ZC3H18: variants seen among roughly 807,000 people sequenced by gnomAD.
The protein encoded by ZC3H18 is zinc finger CCCH-type containing 18, also known as zinc finger CCCH domain-containing protein 18.
A neutral mutation model predicts 106.1 loss-of-function variants in ZC3H18; 8 were observed. The observed-to-expected ratio is 0.08, with a 90% CI of 0.04 to 0.14. ZC3H18 has a LOEUF of 0.14. ZC3H18 is among the 10% of genes least tolerant of loss of function. The pLI, the probability that ZC3H18 is intolerant of heterozygous loss-of-function variation, is 1.00. For missense variants in ZC3H18, 1,318 were observed against 1,278.4 expected (o/e 1.03, Z -0.47); for synonymous variants, 635 against 522.1 (o/e 1.22, Z -2.95).
chr16:88,584,422 C>CAAA, intron 2 of ZC3H18, among the ~76,000 whole-genome samples: 1 of 72,748 alleles, frequency 1.4e-5, no homozygotes, highest in African/African-American at 5.3e-5. Context: ...ACTCTGTCTC[C>CAAA]AAAAAAAAAA....
rs920283548 is a variant in ZC3H18, at chr16:88,585,473, C to G, written c.604-1127C>G. On this transcript the variant is annotated intron_variant, in intron 2 of 17. Transcript: ENST00000301011. ...TGGTGGGGCACAGGGTTCAGCCAGG[C>G]AGGTGGTGGTGTCGTCAACACAAGG... Among the ~76,000 whole-genome samples the G allele has an allele frequency of 2.6e-5, 4 of 152,202 alleles. No individual in the cohort carries two copies. In the East Asian group the frequency reaches 7.7e-4, roughly 29 times the overall value.
intron 3 of ZC3H18, among the ~76,000 whole-genome samples, chr16:88,594,865 C>T (rs2142647553): frequency 6.6e-6 from 1 of 152,218 alleles, no homozygotes; most frequent in African/African-American, 2.4e-5. Flanking sequence ...GAGAATAAAA[C>T]AGTTGGCTGG....
At chr16:88,574,229 C>A (rs886886670) in intron 1 of ZC3H18, among the ~76,000 whole-genome samples, 1 of 151,796 alleles carries the variant, frequency 6.6e-6, no homozygotes, top group Non-Finnish European at 1.5e-5. Flanking sequence ...TCTTTTGAGA[C>A]GGAGTCTCGC....
chr16:88,624,231 G>C (rs1042233006), intron 11 of ZC3H18, 169 bp downstream of exon 11: 2 of 892,632 alleles, frequency 2.2e-6, no homozygotes, highest in Admixed American at 2.8e-5. Context: ...CACAGCTCCT[G>C]TTCTCACGGG....
At chr16:88,608,269 C>T (rs1045750029) in intron 6 of ZC3H18, among the ~76,000 whole-genome samples, 2 of 152,222 alleles carry the variant, frequency 1.3e-5, no homozygotes, top group Non-Finnish European at 2.9e-5. Context: ...TCCTCCTATT[C>T]CCCAGTGAGT....
rs1567603243 is a variant in ZC3H18 at position 88,631,652 on chromosome 16, GCCCGGGT to G, written c.*356_*362del. 1 of 473,538 alleles carries G rather than the reference GCCCGGGT, an allele frequency of 2.1e-6. No individual in the cohort carries two copies. Among genetic ancestry groups the G allele is most frequent in the Non-Finnish European group, 4.2e-6 (1 of 238,908 alleles). 29.3% of individuals were successfully genotyped at this position (473,538 alleles called of 1,614,324 possible). On this transcript the variant is annotated 3_prime_UTR_variant, in exon 18 of 18. Transcript: ENST00000301011. ...GTGGAGCCCCAGCTCTGGGTCCCTA[GCCCGGGT>G]CCAGGCAGCCAGGCTCCCTCCTGAG...
At chr16:88,626,922 G>C (rs949929635) in intron 13 of ZC3H18, 9 of 152,244 alleles carry the variant, frequency 5.9e-5, no homozygotes, top group African/African-American at 2.2e-4. Context: ...TGAGACTGCG[G>C]AATTGCTCCT....
chr16:88,603,110 G>A (rs1433249221), intron 6 of ZC3H18, among the ~76,000 whole-genome samples: 3 of 151,720 alleles, frequency 2.0e-5, no homozygotes, highest in Admixed American at 6.6e-5. Context: ...GACTACAGGC[G>A]CCCGCCACCA....
At position 88,627,568 on chromosome 16, in the gene ZC3H18, T is replaced by C; in HGVS notation, c.2109-54T>C. The C allele has an allele frequency of 3.9e-6, 6 of 1,554,068 alleles. No homozygotes were observed. Among genetic ancestry groups the C allele is most frequent in the Non-Finnish European group, 5.2e-6 (6 of 1,145,294 alleles). On this transcript the variant is annotated intron_variant, in intron 13 of 17. Coordinates refer to ENST00000301011, the MANE Select transcript of ZC3H18 (RefSeq NM_144604.4). The surrounding 1 kb of genome is among the most constrained non-coding windows in gnomAD (Gnocchi z 4.5). ...AAGTGGACCATGGAGCACCCCCTGC[T>C]GGCCCCTCCCTCCAGTCTGGCTGGG...
chr16:88,616,553 T>TC (rs1453379466), intron 8 of ZC3H18, among the ~76,000 whole-genome samples: 1 of 152,190 alleles, frequency 6.6e-6, no homozygotes, highest in Non-Finnish European at 1.5e-5. Flanking sequence ...GACAAGGGTT[T>TC]CCCCAGCGCA....
At chr16:88,614,796 A>C (rs564486323) in intron 8 of ZC3H18, among the ~76,000 whole-genome samples, 5 of 152,312 alleles carry the variant, frequency 3.3e-5, no homozygotes, top group African/African-American at 9.6e-5. Flanking sequence ...CCCTTCCCCT[A>C]CAGCACACAC....
Position 88,627,579 on chromosome 16 carries a change from T to G in ZC3H18, c.2109-43T>G. 6.4e-7 allele frequency: 1 copy of G among 1,564,428 alleles called. No homozygotes were observed. Among genetic ancestry groups the G allele is most frequent in the Non-Finnish European group, 8.7e-7 (1 of 1,149,542 alleles). ...GGAGCACCCCCTGCTGGCCCCTCCC[T>G]CCAGTCTGGCTGGGGTGTGGTGAGA... On this transcript the variant is annotated intron_variant, in intron 13 of 17. Coordinates refer to ENST00000301011, the MANE Select transcript of ZC3H18 (RefSeq NM_144604.4). This position sits in a 1 kb window ranked among gnomAD's most constrained non-coding sequence, Gnocchi z 4.5.
At chr16:88,631,041 AC>A in intron 17 of ZC3H18, 59 bp from the exon 18 acceptor site, 2 of 1,601,814 alleles carry the variant, frequency 1.2e-6, no homozygotes. Flanking sequence ...CGGGGAGGTC[AC>A]CCCTTCCACC....
chr16:88,582,193 T>G (rs896862874), intron 2 of ZC3H18, among the ~76,000 whole-genome samples: 1 of 151,222 alleles, frequency 6.6e-6, no homozygotes, highest in Non-Finnish European at 1.5e-5. Context: ...TTTCTCCTGT[T>G]TAAATCCACC....
intron 6 of ZC3H18, among the ~76,000 whole-genome samples, chr16:88,601,875 C>A (rs1454094833): frequency 2.0e-5 from 3 of 151,974 alleles, no homozygotes; most frequent in Non-Finnish European, 4.4e-5. Context: ...GGCGAGGTGC[C>A]CTGGCTGTTT....
intron 6 of ZC3H18, among the ~76,000 whole-genome samples, chr16:88,603,919 C>T (rs1904880258): frequency 6.6e-6 from 1 of 151,824 alleles, no homozygotes; most frequent in Non-Finnish European, 1.5e-5. Context: ...AGGCGTGAGC[C>T]ACCGTGCCCA....
At chr16:88,606,781 G>T (rs926852081) in intron 6 of ZC3H18, among the ~76,000 whole-genome samples, 1 of 152,196 alleles carries the variant, frequency 6.6e-6, no homozygotes, top group Non-Finnish European at 1.5e-5. Flanking sequence ...ATTGAACGGT[G>T]TCCGACTGAT....
At chr16:88,592,166 C>T (rs969854475) in intron 3 of ZC3H18, among the ~76,000 whole-genome samples, 4 of 152,222 alleles carry the variant, frequency 2.6e-5, no homozygotes, top group East Asian at 1.9e-4. Flanking sequence ...AGTTTCTCCA[C>T]GTCCTCACCA....
At chr16:88,618,423 T>C (rs1375000799) in intron 8 of ZC3H18, among the ~76,000 whole-genome samples, 1 of 152,222 alleles carries the variant, frequency 6.6e-6, no homozygotes, top group African/African-American at 2.4e-5. Flanking sequence ...TTTTCCCTTG[T>C]TGATGTAGAT....
Sources: gnomAD v4.1 joint callset for allele counts (sites outside exome capture counted in the v4.1 genomes callset) on GRCh38, gnomAD v4.1.1 for gene constraint, Gnocchi (gnomAD v3.1) non-coding constraint, MANE v1.5 for transcripts, NCBI Gene and HGNC (gene_info 2026-07-23, HGNC 2026-07-21) for gene names.